The following LCK variants were observed in gnomAD, a reference collection of about 807,000 sequenced individuals.
The protein encoded by LCK is tyrosine-protein kinase Lck.
LCK carries 14 observed loss-of-function variants against 64.6 expected under a neutral mutation model. That is an observed-to-expected ratio of 0.22 (90% CI 0.14 to 0.34). LCK has a LOEUF of 0.34. Ranked by LOEUF, LCK falls within the 10% of genes least tolerant of loss-of-function variation. LCK has a pLI of 1.00. For missense variants in LCK, 434 were observed against 668.1 expected, an observed-to-expected ratio of 0.65 and a Z score of 3.86; for synonymous variants, 277 against 263.6, an observed-to-expected ratio of 1.05 and a Z score of -0.49.
At chr1:32,253,524 C>T (rs1317780553) in intron 1 of LCK, among the ~76,000 whole-genome samples, 2 of 152,134 alleles carry the variant, frequency 1.3e-5, no homozygotes, top group Non-Finnish European at 2.9e-5. Flanking sequence ...CCTCGTGATC[C>T]GCCCACCTCG....
intron 1 of LCK, among the ~76,000 whole-genome samples, chr1:32,258,645 A>AACACGTCTC (rs375112549): frequency 2.0e-5 from 3 of 151,182 alleles, no homozygotes; most frequent in African/African-American, 7.3e-5. Flanking sequence ...TCTACTAAAA[A>AACACGTCTC]TACAAAAAAT....
At chr1:32,274,840 T>G in intron 3 of LCK, 22 bp downstream of exon 3, 1 of 1,613,984 alleles carries the variant, frequency 6.2e-7, no homozygotes, top group Non-Finnish European at 8.5e-7. Flanking sequence ...CAGCAGGGCC[T>G]GAAAGACAAG....
intron 1 of LCK, among the ~76,000 whole-genome samples, chr1:32,258,941 T>A (rs1028048113): frequency 6.6e-6 from 1 of 151,536 alleles, no homozygotes; most frequent in African/African-American, 2.4e-5. Context: ...GAGGATCACC[T>A]GAGCTATGGG....
chr1:32,267,875 C>G (rs369009341), intron 1 of LCK, among the ~76,000 whole-genome samples: 20 of 149,902 alleles, frequency 1.3e-4, no homozygotes, highest in African/African-American at 4.7e-4. Context: ...GCCTGGGCAA[C>G]AAGAGCGAAA....
At chr1:32,282,069 CAAAACA>C (rs552365942) in intron 12 of LCK, among the ~76,000 whole-genome samples, 9 of 151,986 alleles carry the variant, frequency 5.9e-5, no homozygotes, top group Non-Finnish European at 1.0e-4. Context: ...GACTCTGTTT[CAAAACA>C]AAAACAAAAA....
chr1:32,268,066 C>T (rs994481955), intron 1 of LCK, among the ~76,000 whole-genome samples: 5 of 151,812 alleles, frequency 3.3e-5, no homozygotes, highest in African/African-American at 7.3e-5. Context: ...TGGCGGCACG[C>T]GCCTGTAGTC....
intron 1 of LCK, among the ~76,000 whole-genome samples, chr1:32,257,331 C>T (rs192267149): frequency 1.1e-3 from 162 of 151,802 alleles, no homozygotes; most frequent in African/African-American, 3.7e-3. Context: ...TAACTGTAGC[C>T]TTGACCTCCC....
chr1:32,274,628 A>ACC, intron 2 of LCK, 109 bp from the exon 3 acceptor site: 1 of 1,014,604 alleles, frequency 9.9e-7, no homozygotes, highest in Non-Finnish European at 1.5e-6. Flanking sequence ...AAACTCAGGG[A>ACC]TAACATCTAA....
At chr1:32,258,803 CAAAA>C (rs58703501) in intron 1 of LCK, among the ~76,000 whole-genome samples, 15 of 60,712 alleles carry the variant, frequency 2.5e-4, no homozygotes, top group Non-Finnish European at 3.9e-4. Flanking sequence ...GACTCCGTCT[CAAAA>C]AAAAAAAAAA....
rs182917064 is a variant in LCK, at chr1:32,251,972, A to C, written c.-6+601A>C. On this transcript the variant is annotated intron_variant, in intron 1 of 12. Coordinates refer to ENST00000336890, the MANE Select transcript of LCK (RefSeq NM_005356.5). The surrounding 1 kb of genome is among the most constrained non-coding windows in gnomAD (Gnocchi z 4.0). ...CCCAAGGCATCCAGATGGACATGCG[A>C]GGAGTGATTTTAGCCTCAGCGATCG... Among the ~76,000 whole-genome samples, 713 of 151,296 alleles carry C rather than the reference A, an allele frequency of 4.7e-3. 3 individuals carry two copies. Among genetic ancestry groups the C allele is most frequent in the Non-Finnish European group, 7.3e-3 (495 of 67,896 alleles).
intron 1 of LCK, among the ~76,000 whole-genome samples, chr1:32,270,297 A>G (rs1640041499): frequency 7.3e-6 from 1 of 136,216 alleles, no homozygotes; most frequent in East Asian, 2.1e-4. Context: ...ACAGGGTTTC[A>G]CCATTGTTGG....
intron 1 of LCK, among the ~76,000 whole-genome samples, chr1:32,265,600 G>A (rs114502860): frequency 0.017 from 2,532 of 152,240 alleles, 75 homozygotes; most frequent in African/African-American, 0.057. Flanking sequence ...GTCTTAAGTC[G>A]GGGATTTTCT....
chr1:32,285,729 G>T lies in LCK; in HGVS notation c.*13G>T. On this transcript the variant is annotated 3_prime_UTR_variant, in exon 13 of 13. Coordinates refer to ENST00000336890, the MANE Select transcript of LCK (RefSeq NM_005356.5). ...GCCTCAGCCTTGAGAGGCCTTGAGA[G>T]GCCCTGGGGTTCTCCCCCTTTCTCT... The T allele has an allele frequency of 6.4e-7, 1 of 1,573,850 alleles. No individual in the cohort carries two copies. The highest frequency in any genetic ancestry group is 8.6e-7 in the Non-Finnish European group (1 of 1,159,530).
In LCK at chr1:32,271,601, T is replaced by A. The variant is rs1053211927; in HGVS notation, c.-5-2724T>A. On this transcript the variant is annotated intron_variant, in intron 1 of 12. Transcript: ENST00000336890. The stretch of plus-strand genomic sequence containing the variant: ...ATCACTTGAGCCCAGGAGTTTGAGG[T>A]TCCAGTGAGTTAGGATTGGGTCATT... 1.4e-4 allele frequency among the ~76,000 whole-genome samples: 22 copies of A among 152,312 alleles called. No homozygotes were observed. The East Asian group carries it at 3.3e-3, about 23-fold the overall frequency.
At chr1:32,274,051 G>C (rs953858945) in intron 1 of LCK, 26 of 526,676 alleles carry the variant, frequency 4.9e-5, no homozygotes, top group Admixed American at 2.7e-4. Flanking sequence ...GACTAACAAA[G>C]GTGCCTGTGG....
In LCK at chr1:32,275,720, G is replaced by GC; in HGVS notation, c.481+51dup. On this transcript the variant is annotated intron_variant, in intron 6 of 12. Transcript: ENST00000336890. This position sits in a 1 kb window ranked among gnomAD's most constrained non-coding sequence, Gnocchi z 6.9. ...CGGGCGCGGGGGTGCCCCGGGGTGT[G>GC]CCCGAGGGGGGGCGCAGGGTGAGCC... 6.7e-7 allele frequency: 1 copy of GC among 1,498,788 alleles called. No homozygotes were observed. The highest frequency in any genetic ancestry group is 1.4e-5 in the African/African-American group (1 of 72,342). 92.8% of individuals were successfully genotyped at this position (1,498,788 alleles called of 1,614,324 possible). A position where few individuals can be genotyped will look rare whatever the true frequency, so the allele number is the denominator to read the frequency against.
At chr1:32,262,870 A>G (rs1351060094) in intron 1 of LCK, among the ~76,000 whole-genome samples, 1 of 135,126 alleles carries the variant, frequency 7.4e-6, no homozygotes, top group Non-Finnish European at 1.5e-5. Flanking sequence ...GGAAGGGAGA[A>G]AAAAAAAAAA....
At chr1:32,254,255 A>T (rs1016357860) in intron 1 of LCK, among the ~76,000 whole-genome samples, 1 of 152,144 alleles carries the variant, frequency 6.6e-6, no homozygotes, top group African/African-American at 2.4e-5. Context: ...GCAGTGGCTC[A>T]CGCCTGTAAT....
intron 1 of LCK, among the ~76,000 whole-genome samples, chr1:32,259,607 G>A (rs1288067882): frequency 1.3e-5 from 2 of 149,982 alleles, no homozygotes; most frequent in Non-Finnish European, 3.0e-5. Flanking sequence ...GCGATAGAGT[G>A]AGACTTCATC....
Sources: allele counts gnomAD v4.1 joint callset (sites outside exome capture counted in the v4.1 genomes callset), GRCh38; gene constraint gnomAD v4.1.1; non-coding constraint Gnocchi (gnomAD v3.1); transcripts MANE v1.5; gene names NCBI Gene and HGNC (gene_info 2026-07-23, HGNC 2026-07-21).